Variants in ARID1A observed in about 807,000 individuals in gnomAD.
The protein encoded by ARID1A is AT-rich interaction domain 1A, also known as AT-rich interactive domain-containing protein 1A.
In ARID1A, 20 loss-of-function variants were observed where a neutral mutation model predicts 212.6. The observed-to-expected ratio is 0.09, with a 90% CI of 0.07 to 0.14. The LOEUF is 0.14. ARID1A is among the 10% of genes least tolerant of loss of function. The pLI, the probability that ARID1A is intolerant of heterozygous loss-of-function variation, is 1.00. For missense variants in ARID1A, 2,587 were observed against 3,059.0 expected (o/e 0.85, Z 3.64); for synonymous variants, 1,376 against 1,222.1 (o/e 1.13, Z -2.63).
At chr1:26,708,058 G>A (rs1557578360) in intron 1 of ARID1A, among the ~76,000 whole-genome samples, 1 of 152,066 alleles carries the variant, frequency 6.6e-6, no homozygotes, top group Non-Finnish European at 1.5e-5. Context: ...CTAGAGCTCT[G>A]TCCTGTCATT....
chr1:26,710,821 T>C (rs981871892), intron 1 of ARID1A, among the ~76,000 whole-genome samples: 5 of 152,354 alleles, frequency 3.3e-5, no homozygotes, highest in East Asian at 1.9e-4. Context: ...TTTATGTCTA[T>C]GTGCCCTCCT....
chr1:26,772,236 T>C (rs1339198676), intron 12 of ARID1A: 9 of 478,494 alleles, frequency 1.9e-5, no homozygotes. Context: ...AAGCTGGCAA[T>C]GACTCAGGGA....
rs201998747 is a variant in ARID1A at position 26,780,376 on chromosome 1, A to G, written c.6478A>G (p.Asn2160Asp). ...GGTGCGCTTCCTCAGTGACCGAAAG[A>G]ACCCGGTGTGCCGGGAGATGGCTGT... is the stretch of plus-strand genomic sequence containing the variant. ...TMVRFLSDRK[N>D]PVCREMAVVL... Residue 2160 changes from asparagine (N) to aspartate (D), a missense_variant, in exon 20 of 20, where the codon AAC becomes GAC. Coordinates refer to ENST00000324856, the MANE Select transcript of ARID1A (RefSeq NM_006015.6). This position sits in a 1 kb window ranked among gnomAD's most constrained non-coding sequence, Gnocchi z 7.2. 3 of 1,614,246 alleles carry G rather than the reference A, an allele frequency of 1.9e-6. No individual in the cohort carries two copies. Among genetic ancestry groups the G allele is most frequent in the Admixed American group, 1.7e-5 (1 of 60,036 alleles).
In ARID1A at chr1:26,696,506, G is replaced by A. The variant is rs1463845995; in HGVS notation, c.103G>A (p.Ala35Thr). Reference protein sequence around the residue: ...KKAEQQQREEAGGEAAAAAAA... With the variant: ...KKAEQQQREETGGEAAAAAAA... ...AGCCGAGCAGCAGCAGCGGGAGGAGGCGGGGGGCGAGGCGGCGGCGGCGGC... is the reference window on the plus strand; with the variant it reads ...AGCCGAGCAGCAGCAGCGGGAGGAGACGGGGGGCGAGGCGGCGGCGGCGGC... The change falls in exon 1 of 20, where the codon GCG becomes ACG. Residue 35 changes from alanine to threonine, a missense_variant. Around this residue, in one of 11 missense-constraint regions of ARID1A, gnomAD observed 735 missense variants for 590.6 expected, o/e 1.24. Transcript: ENST00000324856. 2.4e-6 allele frequency: 3 copies of A among 1,231,010 alleles called. No individual in the cohort carries two copies. Among genetic ancestry groups the A allele is most frequent in the East Asian group, 3.3e-5 (1 of 30,510 alleles). 76.3% of individuals were successfully genotyped at this position (1,231,010 alleles called of 1,614,324 possible). A position where few individuals can be genotyped will look rare whatever the true frequency, so the allele number is the denominator to read the frequency against.
intron 1 of ARID1A, among the ~76,000 whole-genome samples, chr1:26,725,197 A>G (rs1464536076): frequency 1.3e-5 from 2 of 152,072 alleles, no homozygotes; most frequent in African/African-American, 4.8e-5. Flanking sequence ...TTTTGCAGCT[A>G]GGGTTTGGAG....
At chr1:26,710,425 G>A (rs1371628999) in intron 1 of ARID1A, among the ~76,000 whole-genome samples, 1 of 143,710 alleles carries the variant, frequency 7.0e-6, no homozygotes, top group African/African-American at 2.5e-5. Flanking sequence ...GCAGTGAGCC[G>A]AGATCACACC....
chr1:26,750,516 G>T (rs1339867616), intron 4 of ARID1A, among the ~76,000 whole-genome samples: 1 of 152,030 alleles, frequency 6.6e-6, no homozygotes, highest in Non-Finnish European at 1.5e-5. Flanking sequence ...TGGAGAGTGG[G>T]GTCCCTAAAC....
chr1:26,699,205 C>G (rs915862382), intron 1 of ARID1A, among the ~76,000 whole-genome samples: 1 of 152,080 alleles, frequency 6.6e-6, no homozygotes, highest in African/African-American at 2.4e-5. Context: ...TATGAAGATA[C>G]GACCTAGAAT....
intron 1 of ARID1A, among the ~76,000 whole-genome samples, chr1:26,710,528 C>CACACACACACACACACACACACACACA (rs1553147494): frequency 2.7e-5 from 4 of 148,180 alleles, no homozygotes; most frequent in African/African-American, 1.0e-4. Context: ...CACACACACA[C>CACACACACACACACACACACACACACA]CACTTGTTGT....
At position 26,780,794 on chromosome 1, in the gene ARID1A, G is replaced by A. The variant is rs114615474; in HGVS notation, c.*38G>A. 128 of 1,526,664 alleles carry A rather than the reference G, an allele frequency of 8.4e-5. No homozygotes were observed. The highest frequency in any genetic ancestry group is 1.8e-4 in the Middle Eastern group (1 of 5,692). The allele number at this position is 1,526,664 out of a possible 1,614,324, so 94.6% of individuals were successfully genotyped here. A position where few individuals can be genotyped will look rare whatever the true frequency, so the allele number is the denominator to read the frequency against. Reference sequence around the variant, plus strand: ...ACCTCCCCCCCCCGTGTGTGTGTGCGTGTGTGGAGAACTTAGAAACTGACT... The same window carrying A: ...ACCTCCCCCCCCCGTGTGTGTGTGCATGTGTGGAGAACTTAGAAACTGACT... On this transcript the variant is annotated 3_prime_UTR_variant, in exon 20 of 20. Transcript: ENST00000324856. The surrounding 1 kb of genome is among the most constrained non-coding windows in gnomAD (Gnocchi z 7.2).
chr1:26,697,277 AC>A lies in ARID1A; in HGVS notation c.879del (p.Thr294ProfsTer69). 2 of 1,360,396 alleles carry A rather than the reference AC, an allele frequency of 1.5e-6. No homozygotes were observed. Among genetic ancestry groups the A allele is most frequent in the Non-Finnish European group, 1.9e-6 (2 of 1,063,158 alleles). 84.3% of individuals were successfully genotyped at this position (1,360,396 alleles called of 1,614,324 possible). On this transcript the variant is annotated frameshift_variant, in exon 1 of 20. Transcript: ENST00000324856. LOFTEE classifies it high-confidence loss of function. The stretch of plus-strand genomic sequence containing the variant: ...CGGGGGAACTCCCCAGCCCACCGCC[AC>A]CCCCACCCTCAACCAACTGCTCACG... ...AGGGTPQPTA[T>X]PTLNQLLTSP...
intron 3 of ARID1A, 69 bp downstream of exon 3, chr1:26,731,673 G>A: frequency 6.5e-7 from 1 of 1,531,064 alleles, no homozygotes; most frequent in Non-Finnish European, 9.0e-7. Flanking sequence ...AGTGTCATGA[G>A]AACTTTGCTG....
In ARID1A at chr1:26,771,551, G is replaced by T; in HGVS notation, c.3406+225G>T. On this transcript the variant is annotated intron_variant, in intron 12 of 19. Transcript: ENST00000324856. The surrounding 1 kb of genome is among the most constrained non-coding windows in gnomAD (Gnocchi z 5.4). ...CTTAAGTTTTAATTTTTGTTGTGCA[G>T]CTGACAACTTGCCAAATGTTTGTAA... is the stretch of plus-strand genomic sequence containing the variant. The T allele has an allele frequency of 1.8e-6, 1 of 568,014 alleles. No individual in the cohort carries two copies. Among genetic ancestry groups the T allele is most frequent in the South Asian group, 2.2e-5 (1 of 44,486 alleles). The allele number at this position is 568,014 out of a possible 1,614,324, so 35.2% of individuals were successfully genotyped here.
intron 1 of ARID1A, among the ~76,000 whole-genome samples, chr1:26,709,540 T>G (rs142338218): frequency 5.1e-4 from 77 of 151,904 alleles, no homozygotes; most frequent in East Asian, 2.7e-3. Context: ...TCAGGAGAGA[T>G]AGAATTGAGT....
At chr1:26,756,548 C>G (rs966373803) in intron 4 of ARID1A, among the ~76,000 whole-genome samples, 4 of 147,242 alleles carry the variant, frequency 2.7e-5, no homozygotes, top group African/African-American at 7.5e-5. Context: ...AGACCCAGAC[C>G]GAGACCCTGT....
At position 26,732,716 on chromosome 1, in the gene ARID1A, C is replaced by T. The variant is rs1437676197; in HGVS notation, c.1844C>T (p.Ala615Val). 8 of 1,613,916 alleles carry T rather than the reference C, an allele frequency of 5.0e-6. No homozygotes were observed. The highest frequency in any genetic ancestry group is 1.7e-5 in the Admixed American group (1 of 59,988). The change falls in exon 4 of 20, where the codon GCC becomes GTC. Residue 615 changes from alanine (A) to valine (V), a missense_variant. Coordinates refer to ENST00000324856, the MANE Select transcript of ARID1A (RefSeq NM_006015.6). Reference sequence around the variant, plus strand: ...TCATTTGGGTCTCAGGCATCCTCAGCCCCCTCAATGACCTCCAGTAAGGGA... The same window carrying T: ...TCATTTGGGTCTCAGGCATCCTCAGTCCCCTCAATGACCTCCAGTAAGGGA... ...QDSFGSQASS[A>V]PSMTSSKGGQ... is the part of the protein sequence containing the mutation.
At chr1:26,773,322 C>A (rs1416094662) in intron 14 of ARID1A, 24 bp from the exon 15 acceptor site, 1 of 1,543,964 alleles carries the variant, frequency 6.5e-7, no homozygotes, top group Non-Finnish European at 8.7e-7. Context: ...CCAGTTTGTT[C>A]ACCGCTTGCC....
In ARID1A at chr1:26,779,697, C is replaced by G. The variant is rs1204639139; in HGVS notation, c.5799C>G (p.Ile1933Met). The change falls in exon 20 of 20, where the codon ATC (isoleucine) becomes ATG (methionine). Residue 1933 changes from isoleucine (I) to methionine (M), a missense_variant. Physicochemically the swap from Ile to Met is conservative, Grantham distance 10 (BLOSUM62 1). Coordinates refer to ENST00000324856, the MANE Select transcript of ARID1A (RefSeq NM_006015.6). Reference protein sequence around the residue: ...TEDGAKSSEAIKESSKFPFGI... With the variant: ...TEDGAKSSEAMKESSKFPFGI... Reference sequence around the variant, plus strand: ...ATGGAGCTAAGAGTTCAGAGGCCATCAAGGAGAGCAGCAAGTTTCCATTTG... The same window carrying G: ...ATGGAGCTAAGAGTTCAGAGGCCATGAAGGAGAGCAGCAAGTTTCCATTTG... 1 of 1,613,954 alleles carries G rather than the reference C, an allele frequency of 6.2e-7. No individual in the cohort carries two copies. Among genetic ancestry groups the G allele is most frequent in the Admixed American group, 1.7e-5 (1 of 59,990 alleles).
intron 1 of ARID1A, chr1:26,727,701 T>C (rs1336944819): frequency 6.6e-6 from 1 of 152,200 alleles, no homozygotes; most frequent in Non-Finnish European, 1.5e-5. Context: ...ATAGTAACCA[T>C]GGTAATGACT....
Sources: allele counts gnomAD v4.1 joint callset (sites outside exome capture counted in the v4.1 genomes callset), GRCh38; gene constraint gnomAD v4.1.1; regional missense constraint gnomAD v4.1.1; non-coding constraint Gnocchi (gnomAD v3.1); transcripts MANE v1.5; gene names NCBI Gene and HGNC (gene_info 2026-07-23, HGNC 2026-07-21).